Variants in NNMT observed in about 807,000 individuals in gnomAD.
NNMT encodes nicotinamide N-methyltransferase.
A neutral mutation model predicts 11.7 loss-of-function variants in NNMT; 10 were observed. The observed-to-expected ratio is 0.85, with a 90% confidence interval of 0.53 to 1.45. The LOEUF (loss-of-function observed/expected upper bound fraction) is 1.45. Among genes scored for constraint, NNMT ranks in the 40% most tolerant of loss-of-function variants. The pLI, the probability that NNMT is intolerant of heterozygous loss-of-function variation, is 0.00. For missense variants in NNMT, 381 were observed against 319.4 expected (o/e 1.19, Z -1.47); for synonymous variants, 143 against 133.8 (o/e 1.07, Z -0.48).
upstream of NNMT, among the ~76,000 whole-genome samples, chr11:114,293,060 A>G (rs1945346254): frequency 6.6e-6 from 1 of 152,166 alleles, no homozygotes; most frequent in Non-Finnish European, 1.5e-5. Flanking sequence ...TGTCCATTTT[A>G]CAAATTGCTA....
At chr11:114,302,225 T>C (rs920547941) in intron 2 of NNMT, among the ~76,000 whole-genome samples, 4 of 152,220 alleles carry the variant, frequency 2.6e-5, no homozygotes, top group Non-Finnish European at 5.9e-5. Flanking sequence ...ATCTGATTGT[T>C]GTTCACCTGT....
intron 2 of NNMT, among the ~76,000 whole-genome samples, chr11:114,305,520 C>T (rs951764753): frequency 6.8e-6 from 1 of 146,304 alleles, no homozygotes; most frequent in African/African-American, 2.5e-5. Context: ...CACGACAGGC[C>T]CCGGTGTGTG....
chr11:114,283,277 G>A (rs904846989), intron 2 of NNMT, among the ~76,000 whole-genome samples: 2 of 152,166 alleles, frequency 1.3e-5, no homozygotes, highest in African/African-American at 4.8e-5. Context: ...ATCTGCTCCT[G>A]GGGGTGTGGA....
chr11:114,274,847 T>G (rs1418846619), intron 2 of NNMT, among the ~76,000 whole-genome samples: 2 of 152,174 alleles, frequency 1.3e-5, no homozygotes, highest in Non-Finnish European at 2.9e-5. Context: ...AATTGCAACC[T>G]CCAGACTTTT....
At chr11:114,306,260 G>A (rs1420242251) in intron 2 of NNMT, among the ~76,000 whole-genome samples, 1 of 152,184 alleles carries the variant, frequency 6.6e-6, no homozygotes, top group Admixed American at 6.5e-5. Context: ...CCCTTTGTCA[G>A]ATGGGTAGAT....
intron 1 of NNMT, 96 bp downstream of exon 1, chr11:114,296,806 C>T (rs1945384800): frequency 4.1e-6 from 5 of 1,233,952 alleles, no homozygotes; most frequent in Middle Eastern, 2.7e-4. Context: ...TGTTGCTTCA[C>T]AGCCCTTTTG....
At chr11:114,279,869 G>A (rs1945246611) in intron 2 of NNMT, among the ~76,000 whole-genome samples, 2 of 152,214 alleles carry the variant, frequency 1.3e-5, no homozygotes, top group South Asian at 4.1e-4. Context: ...GGAGATAATG[G>A]AGTCTTTACA....
At chr11:114,269,058 T>TA (rs59232387) in intron 2 of NNMT, among the ~76,000 whole-genome samples, 1,764 of 149,052 alleles carry the variant, frequency 0.012, 35 homozygotes, top group African/African-American at 0.04. Context: ...TCACACATTT[T>TA]AAAAAAAAAA....
chr11:114,271,136 G>A (rs778758235), intron 2 of NNMT, among the ~76,000 whole-genome samples: 2 of 152,148 alleles, frequency 1.3e-5, no homozygotes, highest in East Asian at 1.9e-4. Flanking sequence ...GGGCCAAGGG[G>A]TTCAACATAT....
At chr11:114,291,614 C>T (rs1357246875), upstream of NNMT, among the ~76,000 whole-genome samples, 1 of 152,122 alleles carries the variant, frequency 6.6e-6, no homozygotes, top group African/African-American at 2.4e-5. Context: ...ATGCACGGCT[C>T]ATCTCTGCGG....
chr11:114,279,912 A>G (rs573321365), intron 2 of NNMT, among the ~76,000 whole-genome samples: 12 of 152,268 alleles, frequency 7.9e-5, no homozygotes, highest in South Asian at 4.1e-4. Flanking sequence ...ACTTTGAACT[A>G]ACAGGAACTA....
intron 2 of NNMT, among the ~76,000 whole-genome samples, chr11:114,299,605 C>T (rs1404640243): frequency 6.6e-6 from 1 of 152,140 alleles, no homozygotes; most frequent in Non-Finnish European, 1.5e-5. Flanking sequence ...TAATTTCCTT[C>T]TTAAATGATT....
intron 2 of NNMT, among the ~76,000 whole-genome samples, chr11:114,283,029 G>C (rs1565722279): frequency 6.6e-6 from 1 of 152,298 alleles, no homozygotes; most frequent in East Asian, 1.9e-4. Context: ...TGGTAGGGAT[G>C]GGAGTGGGTG....
At chr11:114,289,958 T>C (rs1362635927) in intron 2 of NNMT, among the ~76,000 whole-genome samples, 1 of 152,148 alleles carries the variant, frequency 6.6e-6, no homozygotes, top group Middle Eastern at 3.2e-3. Flanking sequence ...GTTTCCTTCT[T>C]CGTAGATAGC....
At chr11:114,295,382 T>C (rs1006295000), upstream of NNMT, among the ~76,000 whole-genome samples, 4 of 151,436 alleles carry the variant, frequency 2.6e-5, no homozygotes, top group Non-Finnish European at 5.9e-5. Flanking sequence ...CCCTACTCTG[T>C]CTCAAAGTGA....
chr11:114,258,583 C>T (rs1591822264), intron 1 of NNMT, among the ~76,000 whole-genome samples: 2 of 152,374 alleles, frequency 1.3e-5, no homozygotes, highest in South Asian at 4.1e-4. Context: ...TCAGCCCAGA[C>T]CCTCTGTCAC....
chr11:114,290,339 C>A (rs1039021025), intron 2 of NNMT, among the ~76,000 whole-genome samples: 11 of 152,128 alleles, frequency 7.2e-5, no homozygotes, highest in African/African-American at 1.2e-4. Flanking sequence ...GTTTCTTTTT[C>A]TCTCCATTCT....
chr11:114,269,191 T>A (rs1945149558), intron 2 of NNMT, among the ~76,000 whole-genome samples: 1 of 152,228 alleles, frequency 6.6e-6, no homozygotes, highest in Admixed American at 6.5e-5. Flanking sequence ...CCTATTATCT[T>A]ACATAATAGC....
chr11:114,304,167 T>G (rs1383706887), intron 2 of NNMT, among the ~76,000 whole-genome samples: 1 of 152,164 alleles, frequency 6.6e-6, no homozygotes. Flanking sequence ...TTGTAGAATC[T>G]CAGGGAAACT....
Sources: gnomAD v4.1 joint callset for allele counts (sites outside exome capture counted in the v4.1 genomes callset) on GRCh38, gnomAD v4.1.1 for gene constraint, MANE v1.5 for transcripts, NCBI Gene and HGNC (gene_info 2026-07-23, HGNC 2026-07-21) for gene names.